Variants in C5orf34 observed in about 807,000 individuals in gnomAD.
C5orf34 encodes the protein uncharacterized protein C5orf34.
Under a neutral mutation model 78.4 loss-of-function variants are expected in C5orf34, and 73 were observed. That is an observed-to-expected ratio of 0.93 (90% confidence interval 0.77 to 1.13). C5orf34 has a LOEUF of 1.13. Ranked by LOEUF, C5orf34 falls within the 50% of genes most tolerant of loss-of-function variation. The pLI, the probability that C5orf34 is intolerant of heterozygous loss-of-function variation, is 0.00. For synonymous variants in C5orf34, 251 were observed against 246.6 expected (o/e 1.02, Z -0.17); for missense variants, 730 against 732.7 (o/e 1.00, Z 0.04).
Position 43,503,713 on chromosome 5 carries a change from G to C in C5orf34, c.980C>G (p.Ser327Cys). The change falls in exon 5 of 13, where the codon TCC becomes TGC. Residue 327 changes from serine to cysteine, a missense_variant. Ser to Cys is a moderately radical substitution (Grantham distance 112). Coordinates refer to ENST00000306862, the MANE Select transcript of C5orf34 (RefSeq NM_198566.4). Reference sequence around the variant, plus strand: ...AACCATTTTCACTAGTTCAGGATAGGAATATTCATCAGATTGTCTCTGTAA... The same window carrying C: ...AACCATTTTCACTAGTTCAGGATAGCAATATTCATCAGATTGTCTCTGTAA... ...SLLQRQSDEY[S>C]YPELVKMVWY... The C allele has an allele frequency of 3.1e-6, 5 of 1,613,632 alleles. No individual in the cohort carries two copies. The highest frequency in any genetic ancestry group is 4.2e-6 in the Non-Finnish European group (5 of 1,179,672).
chr5:43,508,118 A>G (rs1297420169), intron 3 of C5orf34, among the ~76,000 whole-genome samples: 3 of 151,464 alleles, frequency 2.0e-5, no homozygotes, highest in Non-Finnish European at 2.9e-5. Flanking sequence ...TCTAGCCAAT[A>G]TACCTGTTTT....
At chr5:43,495,421 G>A (rs1745462570) in intron 6 of C5orf34, 7 of 1,611,600 alleles carry the variant, frequency 4.3e-6, no homozygotes, top group African/African-American at 1.3e-5. Context: ...GATGGTTCAG[G>A]ATAATTACCT....
At chr5:43,495,640 T>C in intron 6 of C5orf34, 1 of 1,596,694 alleles carries the variant, frequency 6.3e-7, no homozygotes, top group Non-Finnish European at 8.6e-7. Flanking sequence ...CCACACCAGG[T>C]TTGAGAACAC....
intron 1 of C5orf34, among the ~76,000 whole-genome samples, chr5:43,511,569 G>C (rs1158387196): frequency 1.3e-5 from 2 of 152,234 alleles, no homozygotes; most frequent in Non-Finnish European, 2.9e-5. Flanking sequence ...GATGACGATG[G>C]CGGTTTTGTC....
In C5orf34 at chr5:43,487,406, C is replaced by T. The variant is rs4866831; in HGVS notation, c.1721-295G>A. 0.25 allele frequency among the ~76,000 whole-genome samples: 38,114 copies of T among 151,782 alleles called. 5,598 individuals carry two copies. Among genetic ancestry groups the T allele is most frequent in the Non-Finnish European group, 0.33 (22,597 of 67,894 alleles). On this transcript the variant is annotated intron_variant, in intron 12 of 12. Coordinates refer to ENST00000306862, the MANE Select transcript of C5orf34 (RefSeq NM_198566.4). ...CATTTCTTTAAGTGAAGAAATGACA[C>T]GGGAATTAAAGAGTAGGATGACAGG...
intron 3 of C5orf34, 67 bp from the exon 4 acceptor site, chr5:43,506,461 G>A: frequency 1.4e-6 from 2 of 1,437,472 alleles, no homozygotes; most frequent in South Asian, 1.4e-5. Context: ...CCATATATTT[G>A]ATATTTAAGT....
At chr5:43,500,094 C>A (rs1745696463) in intron 6 of C5orf34, among the ~76,000 whole-genome samples, 1 of 152,182 alleles carries the variant, frequency 6.6e-6, no homozygotes, top group Non-Finnish European at 1.5e-5. Context: ...ACCACTTTTC[C>A]CACACCCTTC....
At chr5:43,496,507 T>C (rs116128423) in intron 6 of C5orf34, 31,856 of 1,395,494 alleles carry the variant, frequency 0.023, 462 homozygotes, top group Middle Eastern at 0.044. Flanking sequence ...GGCAAACCCA[T>C]TGTGGGAAAA....
intron 12 of C5orf34, 63 bp from the exon 13 acceptor site, chr5:43,487,174 A>T: frequency 8.3e-6 from 6 of 724,244 alleles, no homozygotes; most frequent in Non-Finnish European, 1.3e-5. Context: ...CTTTATATAC[A>T]GAAAGCATAG....
chr5:43,497,693 C>T (rs1237606800), intron 6 of C5orf34, among the ~76,000 whole-genome samples: 1 of 152,146 alleles, frequency 6.6e-6, no homozygotes, highest in African/African-American at 2.4e-5. Flanking sequence ...ATATGAAGTT[C>T]CTGGGACAGA....
intron 11 of C5orf34, chr5:43,490,412 T>C (rs1745232016): frequency 3.0e-6 from 1 of 338,768 alleles, no homozygotes. Context: ...AAGGTTTTCT[T>C]ACCTTTAGGT....
At chr5:43,503,543 A>T (rs963104645) in intron 5 of C5orf34, 122 bp downstream of exon 5, 15 of 754,112 alleles carry the variant, frequency 2.0e-5, no homozygotes, top group Non-Finnish European at 3.3e-5. Context: ...ACACAGGAGC[A>T]CAGTTGGCCC....
At chr5:43,490,909 T>C (rs1033421321) in intron 10 of C5orf34, among the ~76,000 whole-genome samples, 180 bp from the exon 11 acceptor site, 1 of 152,188 alleles carries the variant, frequency 6.6e-6, no homozygotes, top group African/African-American at 2.4e-5. Context: ...GCCAAATTTT[T>C]TCCATTATTC....
intron 10 of C5orf34, among the ~76,000 whole-genome samples, chr5:43,490,989 G>A (rs566355156): frequency 2.6e-5 from 4 of 152,062 alleles, no homozygotes; most frequent in South Asian, 2.1e-4. Flanking sequence ...AAATAAAGGC[G>A]ATATTTGGAT....
chr5:43,508,414 A>T (rs1488589806), intron 3 of C5orf34, among the ~76,000 whole-genome samples, 163 bp downstream of exon 3: 2 of 152,204 alleles, frequency 1.3e-5, no homozygotes, highest in Non-Finnish European at 2.9e-5. Flanking sequence ...TAATGCTTGG[A>T]TACAAAGAAA....
chr5:43,499,230 C>T (rs1298395518), intron 6 of C5orf34, among the ~76,000 whole-genome samples: 9 of 152,158 alleles, frequency 5.9e-5, no homozygotes, highest in Non-Finnish European at 1.3e-4. Context: ...AAGAAGCCAG[C>T]CATGCAAACA....
At chr5:43,500,615 C>G (rs1054494226) in intron 6 of C5orf34, among the ~76,000 whole-genome samples, 1 of 152,146 alleles carries the variant, frequency 6.6e-6, no homozygotes, top group Admixed American at 6.5e-5. Context: ...GGGCTTGTCT[C>G]GAACTCCTGG....
rs185863270 is a variant in C5orf34 at position 43,495,085 on chromosome 5, C to T, written c.1153-484G>A. 2.1e-4 allele frequency: 317 copies of T among 1,508,468 alleles called. 1 individual carries two copies. In the African/African-American group the frequency reaches 3.5e-3, roughly 17 times the overall value. The allele number at this position is 1,508,468 out of a possible 1,614,324, so 93.4% of individuals were successfully genotyped here. ...TTAGGGATAATATTCATTTAGCCTT[C>T]TGAGCTGTCTGGGCAGACTTCGTGA... On this transcript the variant is annotated intron_variant, in intron 6 of 12. Coordinates refer to ENST00000306862, the MANE Select transcript of C5orf34 (RefSeq NM_198566.4).
intron 6 of C5orf34, among the ~76,000 whole-genome samples, chr5:43,499,457 G>C (rs569648845): frequency 3.3e-4 from 51 of 152,256 alleles, no homozygotes; most frequent in African/African-American, 1.2e-3. Flanking sequence ...GTGAGTACTT[G>C]TCAATCTTTC....
Sources: allele counts gnomAD v4.1 joint callset (sites outside exome capture counted in the v4.1 genomes callset), GRCh38; gene constraint gnomAD v4.1.1; transcripts MANE v1.5; gene names NCBI Gene and HGNC (gene_info 2026-07-23, HGNC 2026-07-21).